The following CHL1 variants were observed in gnomAD, a reference collection of about 807,000 sequenced individuals.
CHL1 encodes cell adhesion molecule L1 like.
Under a neutral mutation model 141.9 loss-of-function variants are expected in CHL1, and 96 were observed. The observed-to-expected ratio is 0.68, with a 90% CI of 0.57 to 0.80. The LOEUF is 0.80. CHL1 is among the 30% of genes least tolerant of loss of function. The pLI, the probability that CHL1 is intolerant of heterozygous loss-of-function variation, is 0.00. For missense variants in CHL1, 1,820 were observed against 1,457.2 expected (o/e 1.25, Z -4.05); for synonymous variants, 613 against 502.2 (o/e 1.22, Z -2.95).
intron 19 of CHL1, 67 bp downstream of exon 19, chr3:383,953 A>T: frequency 8.8e-6 from 9 of 1,027,902 alleles, no homozygotes; most frequent in Non-Finnish European, 1.3e-5. Context: ...CTGCATGCTA[A>T]CTACAATGAT....
chr3:229,111 A>G (rs1056354223), intron 1 of CHL1, among the ~76,000 whole-genome samples: 1 of 152,178 alleles, frequency 6.6e-6, no homozygotes, highest in East Asian at 1.9e-4. Flanking sequence ...TGATTTTTGC[A>G]TTAGCCCCAT....
intron 2 of CHL1, among the ~76,000 whole-genome samples, chr3:264,926 GAAA>G (rs1245914220): frequency 6.6e-6 from 1 of 152,178 alleles, no homozygotes; most frequent in Non-Finnish European, 1.5e-5. Flanking sequence ...TGAACACTAG[GAAA>G]GAACTACAGG....
At chr3:230,095 G>A (rs955349520) in intron 1 of CHL1, among the ~76,000 whole-genome samples, 18 of 152,194 alleles carry the variant, frequency 1.2e-4, no homozygotes, top group African/African-American at 4.3e-4. Flanking sequence ...GCCCCCACTG[G>A]AAGAACTCTT....
In CHL1 at chr3:224,406, G is replaced by T. The variant is rs79719019; in HGVS notation, c.-174-20207G>T. On this transcript the variant is annotated intron_variant, in intron 1 of 27. Transcript: ENST00000256509. ...TTGAAATGTAATCCCCAGTGTTCGA[G>T]ATTAGGCCTGGTAGGAGAGGTGTTT... Among the ~76,000 whole-genome samples, 701 of 152,204 alleles carry T rather than the reference G, an allele frequency of 4.6e-3. 11 individuals are homozygous for T. The highest frequency in any genetic ancestry group is 0.027 in the East Asian group (138 of 5,168).
Position 407,296 on chromosome 3 carries a change from A to T in CHL1, c.*1585A>T, listed in dbSNP as rs1065035. 129,362 of 152,102 alleles carry T rather than the reference A, an allele frequency of 0.85. 57,900 individuals carry two copies. The highest frequency in any genetic ancestry group is 1 in the East Asian group (5,176 of 5,176). 9.4% of individuals were successfully genotyped at this position (152,102 alleles called of 1,614,324 possible). On this transcript the variant is annotated 3_prime_UTR_variant, in exon 28 of 28. Coordinates refer to ENST00000256509, the MANE Select transcript of CHL1 (RefSeq NM_006614.4). ...CAACTTGGATTTATGGTAACCCCTTATAGTTCATGGAGACCAAAATTTGGG... is the reference window on the plus strand; with the variant it reads ...CAACTTGGATTTATGGTAACCCCTTTTAGTTCATGGAGACCAAAATTTGGG...
At chr3:330,639 T>C (rs1316683949) in intron 5 of CHL1, among the ~76,000 whole-genome samples, 1 of 152,160 alleles carries the variant, frequency 6.6e-6, no homozygotes, top group Non-Finnish European at 1.5e-5. Context: ...CTTAAAATGC[T>C]CATTCTCAAT....
At chr3:197,592 T>A (rs1698448258) in intron 1 of CHL1, 1 of 350,944 alleles carries the variant, frequency 2.8e-6, no homozygotes, top group African/African-American at 2.1e-5. Flanking sequence ...TGCCCCTGTG[T>A]GGCTCCTCCT....
intron 1 of CHL1, chr3:197,718 A>G (rs1156960809): frequency 2.3e-6 from 1 of 440,840 alleles, no homozygotes; most frequent in Admixed American, 2.6e-5. Context: ...AAACCCAGAG[A>G]GGGGCTAGAG....
At chr3:208,333 G>A (rs116439288) in intron 1 of CHL1, among the ~76,000 whole-genome samples, 1 of 147,814 alleles carries the variant, frequency 6.8e-6, no homozygotes, top group South Asian at 2.1e-4. Flanking sequence ...ATCTGCCACA[G>A]CCTAGTATTT....
At chr3:405,430 GT>G in intron 27 of CHL1, 64 bp from the exon 28 acceptor site, 1 of 1,068,898 alleles carries the variant, frequency 9.4e-7, no homozygotes, top group South Asian at 1.3e-5. Context: ...ACTTATGACT[GT>G]GTTGCTTTAC....
chr3:220,618 A>G (rs573854002), intron 1 of CHL1, among the ~76,000 whole-genome samples: 1 of 152,264 alleles, frequency 6.6e-6, no homozygotes, highest in Admixed American at 6.5e-5. Context: ...ACACCTATGC[A>G]TGTAGAATGC....
intron 15 of CHL1, among the ~76,000 whole-genome samples, chr3:371,220 A>G (rs932479190): frequency 1.3e-5 from 2 of 152,112 alleles, no homozygotes; most frequent in Admixed American, 6.6e-5. Flanking sequence ...GTCTCCCACT[A>G]TTATTGTGTG....
chr3:314,257 C>T (rs114791440), intron 2 of CHL1, among the ~76,000 whole-genome samples: 2,639 of 145,444 alleles, frequency 0.018, 81 homozygotes, highest in African/African-American at 0.063. Context: ...TTAAAATGCA[C>T]CCCCAATAGA....
intron 2 of CHL1, among the ~76,000 whole-genome samples, chr3:283,157 A>C (rs1696816074): frequency 6.6e-6 from 1 of 152,168 alleles, no homozygotes; most frequent in Admixed American, 6.5e-5. Flanking sequence ...AAAAGATATT[A>C]TTATGTTTGC....
intron 2 of CHL1, among the ~76,000 whole-genome samples, chr3:266,925 C>T (rs1695206816): frequency 6.6e-6 from 1 of 152,132 alleles, no homozygotes; most frequent in Non-Finnish European, 1.5e-5. Context: ...TTTCACCCTC[C>T]CCTTACTTGA....
chr3:354,859 G>A, intron 11 of CHL1, 88 bp downstream of exon 11: 2 of 1,516,708 alleles, frequency 1.3e-6, no homozygotes, highest in Non-Finnish European at 1.8e-6. Flanking sequence ...AATGAAGTTG[G>A]TATGTGGTTG....
At chr3:238,585 G>A (rs1474752788) in intron 1 of CHL1, among the ~76,000 whole-genome samples, 3 of 151,958 alleles carry the variant, frequency 2.0e-5, no homozygotes, top group African/African-American at 4.8e-5. Context: ...ATTTTTCCCC[G>A]ACCTGGACTT....
At position 242,571 on chromosome 3, in the gene CHL1, G is replaced by A. The variant is rs576782760; in HGVS notation, c.-174-2042G>A. ...AGATTGTGCCACTGCACTCCAGCCT[G>A]GGTAACAGAGTGGGACTCCATCTCA... On this transcript the variant is annotated intron_variant, in intron 1 of 27. Coordinates refer to ENST00000256509, the MANE Select transcript of CHL1 (RefSeq NM_006614.4). Among the ~76,000 whole-genome samples the A allele has an allele frequency of 5.9e-5, 9 of 151,516 alleles. No homozygotes were observed. In the South Asian group the frequency reaches 1.5e-3, roughly 25 times the overall value.
At chr3:391,224 C>A in intron 22 of CHL1, 65 bp downstream of exon 22, 4 of 1,297,850 alleles carry the variant, frequency 3.1e-6, no homozygotes, top group Non-Finnish European at 4.5e-6. Flanking sequence ...ATTAAACATT[C>A]TTCCTTATGG....
Sources: allele counts gnomAD v4.1 joint callset (sites outside exome capture counted in the v4.1 genomes callset), GRCh38; gene constraint gnomAD v4.1.1; transcripts MANE v1.5; gene names NCBI Gene and HGNC (gene_info 2026-07-23, HGNC 2026-07-21).